The following ZNF682 variants were observed in gnomAD, a reference collection of about 807,000 sequenced individuals.
The protein encoded by ZNF682 is zinc finger protein 682.
Under a neutral mutation model 36.5 loss-of-function variants are expected in ZNF682, and 29 were observed. That is an observed-to-expected ratio of 0.80 (90% CI 0.59 to 1.08). The LOEUF is 1.08. ZNF682 is among the 50% of genes least tolerant of loss of function. The pLI is 0.00. For missense variants in ZNF682, 561 were observed against 579.7 expected, an observed-to-expected ratio of 0.97 and a Z score of 0.33; for synonymous variants, 180 against 197.0, an observed-to-expected ratio of 0.91 and a Z score of 0.72.
At position 20,029,799 on chromosome 19, in the gene ZNF682, C is replaced by T. The variant is rs774830859; in HGVS notation, c.4-5423G>A. Among the ~76,000 whole-genome samples the T allele has an allele frequency of 1.4e-4, 20 of 138,030 alleles. 1 individual carries two copies. Among genetic ancestry groups the T allele is most frequent in the Non-Finnish European group, 2.6e-4 (17 of 64,590 alleles). The allele number at this position is 138,030 out of a possible 152,430, so 90.6% of individuals were successfully genotyped here. On this transcript the variant is annotated intron_variant, in intron 1 of 3. Transcript: ENST00000397165. ...AGAAAATGGTTTGCTAGGTGGTATG[C>T]CTCTAGAAACAGTGGTTTTAATTAA...
Position 20,006,021 on chromosome 19 carries a change from G to A in ZNF682, c.1481C>T (p.Ser494Leu). ...KKCGEAFNHC[S>L]NLTT is the part of the protein sequence containing the mutation. The stretch of plus-strand genomic sequence containing the variant: ...TAAAAATTCTTACGTAGTAAGGTTT[G>A]AGCAGTGATTAAAAGCTTCCCCACA... Residue 494 changes from serine to leucine, a missense_variant, in exon 4 of 4, where the codon TCA (serine) becomes TTA (leucine). Physicochemically the swap from Ser to Leu is moderately radical, Grantham distance 145 (BLOSUM62 -2). Coordinates refer to ENST00000397165, the MANE Select transcript of ZNF682 (RefSeq NM_033196.3). 1 of 1,600,674 alleles carries A rather than the reference G, an allele frequency of 6.2e-7. No homozygotes were observed. Among genetic ancestry groups the A allele is most frequent in the Admixed American group, 1.7e-5 (1 of 58,448 alleles).
rs200914663 is a variant in ZNF682, at chr19:20,006,993, T to C, written c.509A>G (p.Glu170Gly). 3.1e-5 allele frequency: 50 copies of C among 1,612,966 alleles called. No homozygotes were observed. The highest frequency in any genetic ancestry group is 4.1e-5 in the Non-Finnish European group (48 of 1,179,338). ...ACATTGCATACATTTGAAAAGTTTC[T>C]CTGTAGTATGTCTTATGTTTTCTCT... ...LNRENIRHTTEKLFKCMQCGK... is the reference protein window; with the variant it reads ...LNRENIRHTTGKLFKCMQCGK... The change falls in exon 4 of 4, where the codon GAG (glutamate) becomes GGG (glycine). Residue 170 changes from glutamate to glycine, a missense_variant. Coordinates refer to ENST00000397165, the MANE Select transcript of ZNF682 (RefSeq NM_033196.3).
chr19:20,034,228 GA>G (rs1276513332), intron 1 of ZNF682: 3 of 152,302 alleles, frequency 2.0e-5, no homozygotes, highest in African/African-American at 7.2e-5. Context: ...ATTCTATCCA[GA>G]ATTTCTAGAG....
intron 3 of ZNF682, among the ~76,000 whole-genome samples, chr19:20,014,815 T>C (rs2088321765): frequency 6.7e-6 from 1 of 149,950 alleles, no homozygotes; most frequent in African/African-American, 2.4e-5. Context: ...TTCTAACATG[T>C]ACGATAAAGA....
At chr19:20,008,672 G>A (rs181436310) in intron 3 of ZNF682, among the ~76,000 whole-genome samples, 2 of 152,298 alleles carry the variant, frequency 1.3e-5, no homozygotes, top group Admixed American at 6.5e-5. Context: ...GGAAGGGTAA[G>A]CACAGACCAC....
rs1413538216 is a variant in ZNF682, at chr19:20,005,712, T to C, written c.*293A>G. ...GGTGACATCTTTCCACAGATAAATG[T>C]AATGTGTATCATTACACTTACATTG... On this transcript the variant is annotated 3_prime_UTR_variant, in exon 4 of 4. Coordinates refer to ENST00000397165, the MANE Select transcript of ZNF682 (RefSeq NM_033196.3). The C allele has an allele frequency of 5.7e-6, 2 of 353,698 alleles. No homozygotes were observed. The highest frequency in any genetic ancestry group is 1.0e-5 in the Non-Finnish European group (2 of 195,746). The allele number at this position is 353,698 out of a possible 1,614,324, so 21.9% of individuals were successfully genotyped here. A position where few individuals can be genotyped will look rare whatever the true frequency, so the allele number is the denominator to read the frequency against.
intron 3 of ZNF682, chr19:20,008,294 A>G (rs1407303604): frequency 2.6e-5 from 4 of 152,266 alleles, no homozygotes; most frequent in Non-Finnish European, 5.9e-5. Flanking sequence ...CATCCCAGGA[A>G]GCCTAGCAGC....
chr19:20,036,723 T>C (rs1185895214), intron 1 of ZNF682, among the ~76,000 whole-genome samples: 1 of 149,456 alleles, frequency 6.7e-6, no homozygotes, highest in African/African-American at 2.5e-5. Flanking sequence ...TCCCAGCATT[T>C]TGGAAGGCCA....
intron 1 of ZNF682, among the ~76,000 whole-genome samples, chr19:20,034,717 G>A (rs2122391627): frequency 6.6e-6 from 1 of 150,626 alleles, no homozygotes; most frequent in African/African-American, 2.4e-5. Context: ...AGGTTGCGGT[G>A]AGCCAAGATT....
chr19:20,015,009 A>T (rs2088323256), intron 3 of ZNF682, among the ~76,000 whole-genome samples: 2 of 152,190 alleles, frequency 1.3e-5, no homozygotes, highest in Admixed American at 6.5e-5. Flanking sequence ...GTTTCCCAAG[A>T]TAAAAACATG....
chr19:20,026,702 G>A (rs959876660), intron 1 of ZNF682, among the ~76,000 whole-genome samples: 12 of 152,120 alleles, frequency 7.9e-5, no homozygotes, highest in African/African-American at 4.8e-5. Flanking sequence ...CTGGCCTCAA[G>A]CGATCCTCCT....
chr19:20,013,506 A>T (rs1338621756), intron 3 of ZNF682, among the ~76,000 whole-genome samples: 1 of 152,214 alleles, frequency 6.6e-6, no homozygotes, highest in Non-Finnish European at 1.5e-5. Flanking sequence ...CAGAATACAC[A>T]GTCTTCTCCA....
Position 20,024,227 on chromosome 19 carries a change from TTGTGTATTGAAGTTATTC to T in ZNF682, c.130+5_130+22del. 1 of 1,612,206 alleles carries T rather than the reference TTGTGTATTGAAGTTATTC, an allele frequency of 6.2e-7. No homozygotes were observed. ...TAAAATCTTTTGTGTGAAATAGAAATTGTGTATTGAAGTTATTCTCACCCAGAGAGACCAGGTTTCTGT... is the reference window on the plus strand; with the variant it reads ...TAAAATCTTTTGTGTGAAATAGAAATTCACCCAGAGAGACCAGGTTTCTGT... On this transcript the variant is annotated splice_donor_5th_base_variant and intron_variant, in intron 2 of 3. Transcript: ENST00000397165.
At chr19:20,031,836 G>A (rs1197271068) in intron 1 of ZNF682, among the ~76,000 whole-genome samples, 1 of 143,274 alleles carries the variant, frequency 7.0e-6, no homozygotes, top group African/African-American at 2.6e-5. Flanking sequence ...CAGCTACTCG[G>A]GAGGCTGAGG....
At chr19:20,038,709 C>A (rs1468290503) in intron 1 of ZNF682, among the ~76,000 whole-genome samples, 3 of 151,894 alleles carry the variant, frequency 2.0e-5, no homozygotes, top group Non-Finnish European at 4.4e-5. Context: ...CAACCACAAA[C>A]CTTCAATTAA....
At chr19:19,998,272 A>T (rs1599597733) in intron 3 of ZNF682, among the ~76,000 whole-genome samples, 1 of 152,180 alleles carries the variant, frequency 6.6e-6, no homozygotes, top group South Asian at 2.1e-4. Context: ...CCTCACTGAG[A>T]TGACATTTAT....
chr19:20,011,890 A>G (rs940178147), intron 3 of ZNF682, among the ~76,000 whole-genome samples: 2 of 151,994 alleles, frequency 1.3e-5, no homozygotes, highest in African/African-American at 4.8e-5. Flanking sequence ...ATAAGAAATT[A>G]GCCGGGCGTG....
At position 20,006,514 on chromosome 19, in the gene ZNF682, T is replaced by G; in HGVS notation, c.988A>C (p.Ile330Leu). The G allele has an allele frequency of 6.2e-7, 1 of 1,614,114 alleles. No homozygotes were observed. The highest frequency in any genetic ancestry group is 8.5e-7 in the Non-Finnish European group (1 of 1,180,006). Reference sequence around the variant, plus strand: ...TCTCCCGTATGGGTTCTCTCATGTATAGTAAGTAGTGAGCAGTGGTTAAAG... The same window carrying G: ...TCTCCCGTATGGGTTCTCTCATGTAGAGTAAGTAGTGAGCAGTGGTTAAAG... Reference protein sequence around the residue: ...KAFNHCSLLTIHERTHTGEKP... With the variant: ...KAFNHCSLLTLHERTHTGEKP... The change falls in exon 4 of 4, where the codon ATA (isoleucine) becomes CTA (leucine). Residue 330 changes from isoleucine to leucine, a missense_variant. Ile to Leu is a conservative substitution (Grantham distance 5). Coordinates refer to ENST00000397165, the MANE Select transcript of ZNF682 (RefSeq NM_033196.3).
At chr19:20,017,616 AT>A (rs1000115836) in intron 3 of ZNF682, among the ~76,000 whole-genome samples, 27 of 152,190 alleles carry the variant, frequency 1.8e-4, no homozygotes, top group Non-Finnish European at 4.4e-5. Context: ...ATAATTATAG[AT>A]TTCACGGCCT....
Sources: allele counts gnomAD v4.1 joint callset (sites outside exome capture counted in the v4.1 genomes callset), GRCh38; gene constraint gnomAD v4.1.1; transcripts MANE v1.5; gene names NCBI Gene and HGNC (gene_info 2026-07-23, HGNC 2026-07-21).